The following KIAA1671 variants were observed in gnomAD, a reference collection of about 807,000 sequenced individuals.
KIAA1671 encodes KIAA1671, also known as uncharacterized protein KIAA1671.
In KIAA1671, 52 loss-of-function variants were observed where a neutral mutation model predicts 131.2. The observed-to-expected ratio is 0.40, with a 90% CI of 0.32 to 0.50. The LOEUF (loss-of-function observed/expected upper bound fraction) is 0.50. KIAA1671 is among the 20% of genes least tolerant of loss of function. KIAA1671 has a pLI of 0.73. For missense variants in KIAA1671, 2,360 were observed against 2,364.2 expected (o/e 1.00, Z 0.04); for synonymous variants, 1,003 against 961.6 (o/e 1.04, Z -0.80).
chr22:25,084,164 G>C (rs1349688662), intron 6 of KIAA1671, among the ~76,000 whole-genome samples: 1 of 152,218 alleles, frequency 6.6e-6, no homozygotes, highest in Admixed American at 6.5e-5. Flanking sequence ...TCTGTGTCCT[G>C]AGAGATAATG....
chr22:24,985,009 G>C (rs1333720110), intron 1 of KIAA1671, among the ~76,000 whole-genome samples: 2 of 151,492 alleles, frequency 1.3e-5, no homozygotes, highest in South Asian at 2.1e-4. Flanking sequence ...TAGTATCCTA[G>C]GCCCCGGGCC....
At chr22:25,004,969 A>C (rs925179430) in intron 1 of KIAA1671, among the ~76,000 whole-genome samples, 2 of 151,354 alleles carry the variant, frequency 1.3e-5, no homozygotes, top group Non-Finnish European at 2.9e-5. Context: ...AAAGTGTAGA[A>C]GATTTGATTG....
intron 3 of KIAA1671, among the ~76,000 whole-genome samples, chr22:25,032,188 A>C (rs1041078605): frequency 6.6e-6 from 1 of 152,190 alleles, no homozygotes; most frequent in South Asian, 2.1e-4. Context: ...TGCTAACAAC[A>C]GCCATTCATT....
At chr22:25,097,099 G>C (rs1424271415) in intron 6 of KIAA1671, among the ~76,000 whole-genome samples, 8 of 152,170 alleles carry the variant, frequency 5.3e-5, no homozygotes, top group African/African-American at 1.9e-4. Context: ...TCTTTGTATG[G>C]ACAAATGCTC....
chr22:24,960,946 C>T (rs763645948), intron 1 of KIAA1671, among the ~76,000 whole-genome samples: 2 of 152,052 alleles, frequency 1.3e-5, no homozygotes, highest in African/African-American at 2.4e-5. Context: ...TGGCCTCTGG[C>T]CTGAGGGAAG....
At chr22:25,047,706 C>T (rs1448098478) in intron 5 of KIAA1671, among the ~76,000 whole-genome samples, 3 of 152,258 alleles carry the variant, frequency 2.0e-5, no homozygotes, top group Non-Finnish European at 2.9e-5. Context: ...CTCCTGACCT[C>T]AGGTGATCCA....
At chr22:25,010,909 G>A (rs769309465) in intron 1 of KIAA1671, 2 of 152,134 alleles carry the variant, frequency 1.3e-5, no homozygotes, top group Non-Finnish European at 2.9e-5. Context: ...GTCCCAATAC[G>A]GTTGCCATGA....
chr22:25,015,746 C>G (rs998753913), intron 1 of KIAA1671, among the ~76,000 whole-genome samples: 4 of 152,112 alleles, frequency 2.6e-5, no homozygotes, highest in African/African-American at 4.8e-5. Context: ...TGTGTCCTAC[C>G]CTACATCCCA....
rs1555951063 is a variant in KIAA1671 at position 24,992,837 on chromosome 22, AAG to A, written c.-207-32794_-207-32793del. Among the ~76,000 whole-genome samples, 4 of 151,492 alleles carry A rather than the reference AAG, an allele frequency of 2.6e-5. No individual in the cohort carries two copies. The East Asian group carries it at 7.7e-4, about 29-fold the overall frequency. ...CTCAAAAAAAAAAAAAAAAAAAAAAAAGACAATGCCAAGTGCTTTTTGATGTA... is the reference window on the plus strand; with the variant it reads ...CTCAAAAAAAAAAAAAAAAAAAAAAAACAATGCCAAGTGCTTTTTGATGTA... On this transcript the variant is annotated intron_variant, in intron 1 of 12. Transcript: ENST00000358431.
intron 6 of KIAA1671, among the ~76,000 whole-genome samples, chr22:25,122,199 C>G (rs560391350): frequency 6.6e-6 from 1 of 152,216 alleles, no homozygotes; most frequent in Admixed American, 6.5e-5. Flanking sequence ...GCTCGGGCAC[C>G]GGACCACATT....
At chr22:25,022,063 C>G (rs939603241) in intron 1 of KIAA1671, among the ~76,000 whole-genome samples, 4 of 151,834 alleles carry the variant, frequency 2.6e-5, no homozygotes, top group Admixed American at 2.0e-4. Context: ...CCTGAGCCAC[C>G]GTGCCTGGCC....
At chr22:25,179,497 C>A in intron 9 of KIAA1671, 1 of 1,612,274 alleles carries the variant, frequency 6.2e-7, no homozygotes, top group East Asian at 2.2e-5. Context: ...CCTTGTGCAG[C>A]ACCTCCCGCT....
At chr22:25,013,541 T>A (rs1925151582) in intron 1 of KIAA1671, 1 of 152,194 alleles carries the variant, frequency 6.6e-6, no homozygotes, top group South Asian at 2.1e-4. Context: ...TTGGAGGGAA[T>A]TATTTCTTTA....
chr22:25,070,109 G>A (rs1488037145), intron 6 of KIAA1671: 2 of 358,012 alleles, frequency 5.6e-6, no homozygotes, highest in Non-Finnish European at 9.9e-6. Context: ...ATCCACCCCT[G>A]GACCCGCCCC....
chr22:25,005,071 T>C (rs1924673888), intron 1 of KIAA1671, among the ~76,000 whole-genome samples: 1 of 151,782 alleles, frequency 6.6e-6, no homozygotes, highest in South Asian at 2.1e-4. Flanking sequence ...AAAGGTTGGC[T>C]GGGTGCAGTG....
rs1429694645 is a variant in KIAA1671 at position 25,032,822 on chromosome 22, A to AT, written c.1629+132dup. 3 of 503,180 alleles carry AT rather than the reference A, an allele frequency of 6.0e-6. No homozygotes were observed. The Admixed American group carries it at 9.9e-5, about 17-fold the overall frequency. 31.2% of individuals were successfully genotyped at this position (503,180 alleles called of 1,614,324 possible). A position where few individuals can be genotyped will look rare whatever the true frequency, so the allele number is the denominator to read the frequency against. ...AAACATGTCATGCACACGATAAAAC[A>AT]TTTTTTCTTCTAATGTTGGGACTTT... On this transcript the variant is annotated intron_variant, in intron 4 of 12. Transcript: ENST00000358431.
At chr22:25,174,589 G>C (rs1933962310) in intron 8 of KIAA1671, 100 bp downstream of exon 8, 2 of 1,356,732 alleles carry the variant, frequency 1.5e-6, no homozygotes, top group Admixed American at 2.8e-5. Flanking sequence ...AGGGACCCTT[G>C]GAGTGGGTAC....
At position 25,048,438 on chromosome 22, in the gene KIAA1671, A is replaced by G. The variant is rs1000680666; in HGVS notation, c.4396-792A>G. Among the ~76,000 whole-genome samples, 72 of 152,102 alleles carry G rather than the reference A, an allele frequency of 4.7e-4. 1 individual carries two copies. The highest frequency in any genetic ancestry group is 1.6e-4 in the Non-Finnish European group (11 of 68,022). On this transcript the variant is annotated intron_variant, in intron 5 of 12. Coordinates refer to ENST00000358431, the MANE Select transcript of KIAA1671 (RefSeq NM_001145206.2). ...AAAGAGCCAGGGGGTTAGGAGGAAA[A>G]CCAGAGGGTCTCTGAAGGCATCCAG...
chr22:25,162,875 T>C (rs1355764139), intron 6 of KIAA1671, among the ~76,000 whole-genome samples: 2 of 152,242 alleles, frequency 1.3e-5, no homozygotes, highest in African/African-American at 4.8e-5. Context: ...ATATTTACTA[T>C]CTAGCCCTTT....
Sources: gnomAD v4.1 joint callset for allele counts (sites outside exome capture counted in the v4.1 genomes callset) on GRCh38, gnomAD v4.1.1 for gene constraint, MANE v1.5 for transcripts, NCBI Gene and HGNC (gene_info 2026-07-23, HGNC 2026-07-21) for gene names.